FMN2: variants seen among roughly 807,000 people sequenced by gnomAD.
The protein encoded by FMN2 is formin-2.
A neutral mutation model predicts 142.3 loss-of-function variants in FMN2; 51 were observed. That is an observed-to-expected ratio of 0.36 (90% CI 0.29 to 0.45). The LOEUF (loss-of-function observed/expected upper bound fraction) is 0.45. FMN2 is among the 20% of genes least tolerant of loss of function. The pLI, the probability that FMN2 is intolerant of heterozygous loss-of-function variation, is 1.00. For missense variants in FMN2, 1,936 were observed against 2,122.8 expected (o/e 0.91, Z 1.73); for synonymous variants, 882 against 869.8 (o/e 1.01, Z -0.25).
intron 15 of FMN2, among the ~76,000 whole-genome samples, chr1:240,424,227 C>A (rs568932216): frequency 6.6e-6 from 1 of 152,068 alleles, no homozygotes; most frequent in Non-Finnish European, 1.5e-5. Context: ...GATATAATTT[C>A]TGATTGTCCA....
chr1:240,275,541 G>T (rs571680108), intron 7 of FMN2, among the ~76,000 whole-genome samples: 144 of 152,116 alleles, frequency 9.5e-4, no homozygotes, highest in Non-Finnish European at 1.8e-3. Context: ...GAACAGTGCT[G>T]CAATAAACAT....
chr1:240,454,118 A>G (rs1676150009), intron 16 of FMN2, among the ~76,000 whole-genome samples: 1 of 152,174 alleles, frequency 6.6e-6, no homozygotes, highest in South Asian at 2.1e-4. Context: ...TCCGCCACTT[A>G]ATATTTTAAA....
chr1:240,445,061 C>G (rs1572322878), intron 16 of FMN2, among the ~76,000 whole-genome samples: 1 of 152,148 alleles, frequency 6.6e-6, no homozygotes, highest in South Asian at 2.1e-4. Context: ...TTCTCAGTGC[C>G]AACTTTCTGT....
intron 6 of FMN2, among the ~76,000 whole-genome samples, chr1:240,237,143 TATCTC>T (rs1004037375): frequency 6.6e-6 from 1 of 152,208 alleles, no homozygotes; most frequent in African/African-American, 2.4e-5. Flanking sequence ...TTCTACCTCT[TATCTC>T]ATGAAACAAA....
chr1:240,105,262 C>G (rs538430406), intron 1 of FMN2, among the ~76,000 whole-genome samples: 1 of 151,824 alleles, frequency 6.6e-6, no homozygotes, highest in Non-Finnish European at 1.5e-5. Context: ...GCGCCCACCA[C>G]CATGCCCGGC....
intron 6 of FMN2, among the ~76,000 whole-genome samples, chr1:240,243,082 C>G (rs1006442954): frequency 1.3e-5 from 2 of 151,666 alleles, no homozygotes; most frequent in African/African-American, 4.8e-5. Flanking sequence ...TAGGAGAATA[C>G]GGTAGTGTAA....
At chr1:240,284,321 A>G (rs1323228066) in intron 7 of FMN2, among the ~76,000 whole-genome samples, 3 of 152,116 alleles carry the variant, frequency 2.0e-5, no homozygotes, top group African/African-American at 7.2e-5. Flanking sequence ...ACTCCCTAAT[A>G]TGAGCCAATC....
chr1:240,148,329 G>C (rs1162034964), intron 2 of FMN2, among the ~76,000 whole-genome samples: 2 of 149,090 alleles, frequency 1.3e-5, no homozygotes, highest in Non-Finnish European at 3.0e-5. Flanking sequence ...GAAACAGAGA[G>C]ACAGACAGAT....
At chr1:240,376,119 C>G (rs1213386199) in intron 14 of FMN2, among the ~76,000 whole-genome samples, 5 of 151,968 alleles carry the variant, frequency 3.3e-5, no homozygotes, top group African/African-American at 1.2e-4. Context: ...GTCTGATTTG[C>G]CTATTTTTAA....
intron 15 of FMN2, among the ~76,000 whole-genome samples, chr1:240,425,672 A>C (rs1674918564): frequency 6.6e-6 from 1 of 152,220 alleles, no homozygotes; most frequent in African/African-American, 2.4e-5. Context: ...TTCTTGAAGC[A>C]TATATTTGGT....
At position 240,427,171 on chromosome 1, in the gene FMN2, T is replaced by TTTTATATATATATATATATA. The variant is rs1222415126; in HGVS notation, c.4911-10889_4911-10888insTTATATATATATATATATAT. 3.3e-3 allele frequency among the ~76,000 whole-genome samples: 447 copies of TTTTATATATATATATATATA among 136,856 alleles called. 6 individuals are homozygous for TTTTATATATATATATATATA. Among genetic ancestry groups the TTTTATATATATATATATATA allele is most frequent in the African/African-American group, 0.013 (398 of 31,026 alleles). The allele number at this position is 136,856 out of a possible 152,430, so 89.8% of individuals were successfully genotyped here. On this transcript the variant is annotated intron_variant, in intron 15 of 17. Coordinates refer to ENST00000319653, the MANE Select transcript of FMN2 (RefSeq NM_020066.5). ...TAGTTCATGTATGTTACAACTGATTTTATATATATATATATATATATGGTT... is the reference window on the plus strand; with the variant it reads ...TAGTTCATGTATGTTACAACTGATTTTTTATATATATATATATATATATATATATATATATATATATGGTT...
chr1:240,128,709 G>T (rs1485069417), intron 2 of FMN2, among the ~76,000 whole-genome samples: 1 of 152,104 alleles, frequency 6.6e-6, no homozygotes, highest in Non-Finnish European at 1.5e-5. Flanking sequence ...AGGTTAAAAA[G>T]AAACCCAAGA....
At chr1:240,361,364 C>T (rs1390394364) in intron 14 of FMN2, among the ~76,000 whole-genome samples, 2 of 151,578 alleles carry the variant, frequency 1.3e-5, no homozygotes, top group Non-Finnish European at 2.9e-5. Context: ...CAACAGTTTC[C>T]CAGTGATCAA....
intron 14 of FMN2, among the ~76,000 whole-genome samples, chr1:240,369,913 TGATGG>T (rs1672807929): frequency 2.6e-5 from 4 of 152,210 alleles, no homozygotes; most frequent in African/African-American, 9.7e-5. Context: ...TGGTTGCCCA[TGATGG>T]GTAAGGGATT....
At chr1:240,365,517 TATTC>T (rs146003717) in intron 14 of FMN2, among the ~76,000 whole-genome samples, 137 of 152,338 alleles carry the variant, frequency 9.0e-4, no homozygotes, top group Non-Finnish European at 1.6e-3. Flanking sequence ...TTTTGTACTA[TATTC>T]ATTTTATGTT....
At chr1:240,298,206 T>C (rs537846901) in intron 8 of FMN2, among the ~76,000 whole-genome samples, 1 of 152,328 alleles carries the variant, frequency 6.6e-6, no homozygotes, top group Non-Finnish European at 1.5e-5. Context: ...AATTATTTTG[T>C]GAGAGGGTGA....
chr1:240,110,578 G>GT (rs949215543), intron 1 of FMN2, among the ~76,000 whole-genome samples: 2 of 152,140 alleles, frequency 1.3e-5, no homozygotes, highest in African/African-American at 4.8e-5. Context: ...AGGCTTGTGA[G>GT]TTTTGCTTCT....
intron 15 of FMN2, among the ~76,000 whole-genome samples, chr1:240,435,217 T>C (rs1457095073): frequency 6.7e-6 from 1 of 149,948 alleles, no homozygotes; most frequent in Non-Finnish European, 1.5e-5. Context: ...TTATTTAATC[T>C]TCATGACAAC....
At chr1:240,146,219 T>TA (rs35158592) in intron 2 of FMN2, among the ~76,000 whole-genome samples, 51,229 of 126,896 alleles carry the variant, frequency 0.4, 10,254 homozygotes, top group Non-Finnish European at 0.46. Flanking sequence ...CCGTCTCTAC[T>TA]AAAAAAAAAA....
Sources: allele counts gnomAD v4.1 joint callset (sites outside exome capture counted in the v4.1 genomes callset), GRCh38; gene constraint gnomAD v4.1.1; transcripts MANE v1.5; gene names NCBI Gene and HGNC (gene_info 2026-07-23, HGNC 2026-07-21).